Variants in TENM4 observed in about 807,000 individuals in gnomAD.
The protein encoded by TENM4 is teneurin transmembrane protein 4, also known as teneurin-4.
A neutral mutation model predicts 243.3 loss-of-function variants in TENM4; 82 were observed. The observed-to-expected ratio is 0.34, with a 90% CI of 0.28 to 0.40. The LOEUF (loss-of-function observed/expected upper bound fraction) is 0.40. TENM4 is among the 10% of genes least tolerant of loss of function. The pLI is 1.00. For synonymous variants in TENM4, 1,412 were observed against 1,456.3 expected (o/e 0.97, Z 0.69); for missense variants, 3,138 against 3,673.3 (o/e 0.85, Z 3.77).
chr11:78,742,388 A>G (rs1406037621), intron 19 of TENM4, among the ~76,000 whole-genome samples: 1 of 152,126 alleles, frequency 6.6e-6, no homozygotes, highest in African/African-American at 2.4e-5. Context: ...CAGTCACTAA[A>G]ATTCCTTTAA....
At chr11:78,765,935 T>C (rs993554531) in intron 18 of TENM4, among the ~76,000 whole-genome samples, 2 of 152,192 alleles carry the variant, frequency 1.3e-5, no homozygotes, top group Non-Finnish European at 2.9e-5. Flanking sequence ...GATGAAAACA[T>C]ATTATATAGA....
chr11:78,845,010 T>C (rs1365219426), intron 12 of TENM4, among the ~76,000 whole-genome samples: 1 of 152,216 alleles, frequency 6.6e-6, no homozygotes, highest in Non-Finnish European at 1.5e-5. Flanking sequence ...TCCAGCTCAC[T>C]AAGTACTCTT....
intron 1 of TENM4, among the ~76,000 whole-genome samples, chr11:79,334,778 G>C (rs1441393546): frequency 6.6e-6 from 1 of 152,194 alleles, no homozygotes. Flanking sequence ...GCATATGACT[G>C]AGAAATCCTG....
At chr11:79,400,734 T>C (rs1032909058) in intron 1 of TENM4, among the ~76,000 whole-genome samples, 7 of 152,242 alleles carry the variant, frequency 4.6e-5, no homozygotes, top group African/African-American at 1.7e-4. Context: ...GCACAGTGCC[T>C]GCACAGAGGA....
chr11:78,977,303 C>G (rs889164134), intron 6 of TENM4, among the ~76,000 whole-genome samples: 2 of 152,258 alleles, frequency 1.3e-5, no homozygotes, highest in African/African-American at 4.8e-5. Flanking sequence ...ACTGTTTTCA[C>G]ATATGGTCAC....
chr11:78,818,748 G>A (rs1341299769), intron 12 of TENM4, among the ~76,000 whole-genome samples: 1 of 152,084 alleles, frequency 6.6e-6, no homozygotes, highest in Non-Finnish European at 1.5e-5. Context: ...ATTAGTGTTT[G>A]GTGAATTTCT....
In TENM4 at chr11:79,124,827, ATG is replaced by A. The variant is rs199772116; in HGVS notation, c.-66+23881_-66+23882del. Among the ~76,000 whole-genome samples the A allele has an allele frequency of 4.6e-3, 653 of 142,122 alleles. 7 individuals are homozygous for A. Among genetic ancestry groups the A allele is most frequent in the African/African-American group, 0.016 (618 of 37,966 alleles). 93.2% of individuals were successfully genotyped at this position (142,122 alleles called of 152,430 possible). A position where few individuals can be genotyped will look rare whatever the true frequency, so the allele number is the denominator to read the frequency against. ...TGTATGTGTATATATATGTATATGT[ATG>A]TGTGTGTATATATATACACATATGT... On this transcript the variant is annotated intron_variant, in intron 4 of 33. Coordinates refer to ENST00000278550, the MANE Select transcript of TENM4 (RefSeq NM_001098816.3).
At chr11:79,251,693 T>G (rs1221945256) in intron 2 of TENM4, among the ~76,000 whole-genome samples, 2 of 151,906 alleles carry the variant, frequency 1.3e-5, no homozygotes, top group African/African-American at 4.8e-5. Flanking sequence ...TAAAATACTC[T>G]GATAGATTAT....
At chr11:78,845,712 G>A (rs750551179) in intron 12 of TENM4, among the ~76,000 whole-genome samples, 4 of 152,046 alleles carry the variant, frequency 2.6e-5, no homozygotes, top group Admixed American at 6.5e-5. Flanking sequence ...CAAAGCTGCC[G>A]TTCTGTCAGT....
intron 6 of TENM4, among the ~76,000 whole-genome samples, chr11:78,987,729 C>T (rs1056850430): frequency 6.6e-5 from 10 of 152,066 alleles, no homozygotes; most frequent in African/African-American, 2.2e-4. Context: ...ATAGTAGTTA[C>T]CATTATAGCC....
intron 6 of TENM4, among the ~76,000 whole-genome samples, chr11:78,941,080 C>T: frequency 6.6e-6 from 1 of 152,184 alleles, no homozygotes; most frequent in East Asian, 1.9e-4. Context: ...GCCAATGGAG[C>T]CTTAAAGCTC....
intron 12 of TENM4, among the ~76,000 whole-genome samples, chr11:78,823,399 A>G (rs940752935): frequency 3.3e-5 from 5 of 152,164 alleles, no homozygotes; most frequent in Non-Finnish European, 7.4e-5. Context: ...GACACAGCCC[A>G]CTGGGCAGAG....
intron 1 of TENM4, among the ~76,000 whole-genome samples, chr11:79,403,815 G>A (rs1482123958): frequency 6.6e-6 from 1 of 152,142 alleles, no homozygotes; most frequent in South Asian, 2.1e-4. Flanking sequence ...GGGGGGTTGA[G>A]GGGGGTGGTG....
chr11:78,767,587 G>T (rs1856564499), intron 18 of TENM4, among the ~76,000 whole-genome samples: 2 of 152,220 alleles, frequency 1.3e-5, no homozygotes, highest in Admixed American at 1.3e-4. Context: ...CTGGGCTCCA[G>T]TTGTCCTGTC....
chr11:79,073,429 G>A (rs902003200), intron 4 of TENM4, among the ~76,000 whole-genome samples: 3 of 151,930 alleles, frequency 2.0e-5, no homozygotes, highest in Admixed American at 2.0e-4. Context: ...GTTCCTTGAG[G>A]GTAGGTAGGC....
chr11:78,898,416 G>T (rs917492954), intron 7 of TENM4, among the ~76,000 whole-genome samples: 1 of 152,196 alleles, frequency 6.6e-6, no homozygotes, highest in Admixed American at 6.5e-5. Context: ...TCAGGGAAGG[G>T]CCTGTGACTA....
In TENM4 at chr11:78,672,057, T is replaced by A; in HGVS notation, c.5769A>T (p.Thr1923=). Residue 1923 remains threonine, a synonymous_variant, in exon 31 of 34, where the codon ACA becomes ACT. Coordinates refer to ENST00000278550, the MANE Select transcript of TENM4 (RefSeq NM_001098816.3). ...ITSRIFADGK[T]WSYTYLEKSM... ...CCTTCTCTAAGTATGTGTAGCTCCA[T>A]GTCTTCCCATCAGCGAAGATCCTGG... is the stretch of plus-strand genomic sequence containing the variant. 3 of 1,613,926 alleles carry A rather than the reference T, an allele frequency of 1.9e-6. No homozygotes were observed. Among genetic ancestry groups the A allele is most frequent in the South Asian group, 2.2e-5 (2 of 91,036 alleles).
At chr11:78,685,488 T>G (rs1204531224) in intron 29 of TENM4, among the ~76,000 whole-genome samples, 1 of 152,230 alleles carries the variant, frequency 6.6e-6, no homozygotes, top group Non-Finnish European at 1.5e-5. Context: ...GTGATTTTTC[T>G]TTTCATATTT....
intron 3 of TENM4, among the ~76,000 whole-genome samples, chr11:79,199,572 C>A (rs1020278944): frequency 6.6e-6 from 1 of 152,134 alleles, no homozygotes; most frequent in Non-Finnish European, 1.5e-5. Flanking sequence ...AACTTGCAAG[C>A]AATCAAATAC....
Sources: allele counts gnomAD v4.1 joint callset (sites outside exome capture counted in the v4.1 genomes callset), GRCh38; gene constraint gnomAD v4.1.1; transcripts MANE v1.5; gene names NCBI Gene and HGNC (gene_info 2026-07-23, HGNC 2026-07-21).